IL22RA1: variants seen among roughly 807,000 people sequenced by gnomAD.
IL22RA1 encodes the protein interleukin 22 receptor subunit alpha 1, also known as interleukin-22 receptor subunit alpha-1.
In IL22RA1, 25 loss-of-function variants were observed where a neutral mutation model predicts 32.8. That is an observed-to-expected ratio of 0.76 (90% CI 0.55 to 1.06). The LOEUF is 1.06. Ranked by LOEUF, IL22RA1 falls within the 50% of genes least tolerant of loss-of-function variation. The pLI is 0.00. For synonymous variants in IL22RA1, 305 were observed against 305.0 expected (o/e 1.00, Z 0.00); for missense variants, 709 against 727.4 (o/e 0.97, Z 0.29).
chr1:24,123,264 C>T (rs762614436), intron 6 of IL22RA1, 38 bp downstream of exon 6: 1 of 1,602,678 alleles, frequency 6.2e-7, no homozygotes, highest in East Asian at 2.2e-5. Context: ...CAGGCCCTCC[C>T]CTGGACCTCT....
Position 24,142,829 on chromosome 1 carries a change from G to A in IL22RA1, c.43+211C>T, listed in dbSNP as rs989066881. Among the ~76,000 whole-genome samples, 3 of 152,206 alleles carry A rather than the reference G, an allele frequency of 2.0e-5. No homozygotes were observed. In the East Asian group the frequency reaches 5.8e-4, roughly 29 times the overall value. On this transcript the variant is annotated intron_variant, in intron 1 of 6. Coordinates refer to ENST00000270800, the MANE Select transcript of IL22RA1 (RefSeq NM_021258.4). ...GACCCGAGGGTCCTTTGGGTCCCTG[G>A]AAGAACCCAGGGTCTGAGGCACCCT...
At chr1:24,129,562 C>A (rs1284916852) in intron 4 of IL22RA1, among the ~76,000 whole-genome samples, 1 of 152,184 alleles carries the variant, frequency 6.6e-6, no homozygotes, top group African/African-American at 2.4e-5. Flanking sequence ...TGGACAAATC[C>A]CCTCTCATAT....
chr1:24,138,289 T>A (rs1051686443), intron 2 of IL22RA1, among the ~76,000 whole-genome samples: 1 of 152,352 alleles, frequency 6.6e-6, no homozygotes, highest in South Asian at 2.1e-4. Context: ...GTGCTATCAT[T>A]GTCCTCACTT....
At chr1:24,134,139 A>C in intron 4 of IL22RA1, 72 bp downstream of exon 4, 1 of 1,345,770 alleles carries the variant, frequency 7.4e-7, no homozygotes, top group Non-Finnish European at 1.0e-6. Flanking sequence ...TTTTTCTTAA[A>C]GCAACTCAGA....
intron 5 of IL22RA1, among the ~76,000 whole-genome samples, chr1:24,124,493 G>A (rs1644147826): frequency 6.6e-6 from 1 of 152,162 alleles, no homozygotes; most frequent in Admixed American, 6.5e-5. Flanking sequence ...GGCTTGTGAA[G>A]GACTTATGGA....
At chr1:24,139,208 G>A (rs561746136) in intron 1 of IL22RA1, among the ~76,000 whole-genome samples, 1 of 152,288 alleles carries the variant, frequency 6.6e-6, no homozygotes, top group South Asian at 2.1e-4. Context: ...TGTAAATAGA[G>A]CTTGGCTGGC....
chr1:24,142,997 C>A, intron 1 of IL22RA1, 43 bp downstream of exon 1: 1 of 1,593,546 alleles, frequency 6.3e-7, no homozygotes. Context: ...TCGTTGGCCC[C>A]TGGGATAAGG....
rs1427620535 is a variant in IL22RA1 at position 24,128,401 on chromosome 1, CTG to C, written c.532-124_532-123del. On this transcript the variant is annotated intron_variant, in intron 4 of 6. Transcript: ENST00000270800. ...ATGCTGATGGGTCTGTCTTCAGCCT[CTG>C]TTTCCATTCCCCTCCCTTCTGCTTT... The C allele has an allele frequency of 6.8e-6, 8 of 1,170,870 alleles. No individual in the cohort carries two copies. In the African/African-American group the frequency reaches 1.2e-4, roughly 18 times the overall value. 72.5% of individuals were successfully genotyped at this position (1,170,870 alleles called of 1,614,324 possible).
chr1:24,134,422 G>C, intron 3 of IL22RA1, 36 bp from the exon 4 acceptor site: 1 of 1,440,596 alleles, frequency 6.9e-7, no homozygotes. Context: ...AAAAGAAAAA[G>C]TCAGAATCGG....
intron 1 of IL22RA1, among the ~76,000 whole-genome samples, chr1:24,141,153 C>G (rs1427704823): frequency 6.6e-6 from 1 of 152,086 alleles, no homozygotes; most frequent in Non-Finnish European, 1.5e-5. Context: ...AGGGATGGCG[C>G]GGGGAGGGGT....
At chr1:24,140,224 A>T (rs1222665931) in intron 1 of IL22RA1, among the ~76,000 whole-genome samples, 1 of 152,252 alleles carries the variant, frequency 6.6e-6, no homozygotes, top group Non-Finnish European at 1.5e-5. Context: ...GCTGCCGCCC[A>T]GCATCACAGT....
At chr1:24,128,541 A>ATATATATG (rs1229133985) in intron 4 of IL22RA1, among the ~76,000 whole-genome samples, 1 of 150,698 alleles carries the variant, frequency 6.6e-6, no homozygotes, top group Non-Finnish European at 1.5e-5. Flanking sequence ...ATATATATAT[A>ATATATATG]TATATATAAA....
chr1:24,134,418 A>T (rs1644228422), intron 3 of IL22RA1, 32 bp from the exon 4 acceptor site: 1 of 1,449,824 alleles, frequency 6.9e-7, no homozygotes, highest in Non-Finnish European at 9.2e-7. Flanking sequence ...AGAGAAAAGA[A>T]AAAGTCAGAA....
chr1:24,127,152 T>C (rs1644171328), intron 5 of IL22RA1, among the ~76,000 whole-genome samples: 1 of 152,170 alleles, frequency 6.6e-6, no homozygotes, highest in East Asian at 1.9e-4. Flanking sequence ...GCCACTGCAC[T>C]CCAGCCTGAG....
At chr1:24,136,945 AG>A (rs1388083995) in intron 3 of IL22RA1, among the ~76,000 whole-genome samples, 185 bp downstream of exon 3, 2 of 151,618 alleles carry the variant, frequency 1.3e-5, no homozygotes, top group Admixed American at 6.6e-5. Flanking sequence ...CAAACCTGCT[AG>A]GAACACACTG....
In IL22RA1 at chr1:24,121,659, C is replaced by T. The variant is rs201130676; in HGVS notation, c.871G>A (p.Gly291Ser). 2.0e-5 allele frequency: 32 copies of T among 1,608,556 alleles called. No homozygotes were observed. Among genetic ancestry groups the T allele is most frequent in the East Asian group, 1.6e-4 (7 of 44,712 alleles). ...HVLIPVFDLS[G>S]PSSLAQPVQY... ...ACAGGCTGGGCCAGACTGCTGGGGC[C>T]GCTGAGGTCAAAGACAGGGATCAGG... is the stretch of plus-strand genomic sequence containing the variant. Residue 291 changes from glycine to serine, a missense_variant, in exon 7 of 7, where the codon GGC becomes AGC. Physicochemically the swap from Gly to Ser is moderately conservative, Grantham distance 56 (BLOSUM62 0). Transcript: ENST00000270800.
chr1:24,129,833 G>A (rs1293518088), intron 4 of IL22RA1, among the ~76,000 whole-genome samples: 2 of 152,108 alleles, frequency 1.3e-5, no homozygotes, highest in African/African-American at 4.8e-5. Context: ...GAACTCATGT[G>A]GTTGGAACTG....
intron 1 of IL22RA1, among the ~76,000 whole-genome samples, chr1:24,142,711 C>T (rs900232765): frequency 1.3e-5 from 2 of 152,172 alleles, no homozygotes; most frequent in East Asian, 1.9e-4. Context: ...TTTGAGGGAC[C>T]GAAGGATGTC....
intron 3 of IL22RA1, among the ~76,000 whole-genome samples, 176 bp downstream of exon 3, chr1:24,136,955 T>A (rs1644246496): frequency 6.7e-6 from 1 of 150,350 alleles, no homozygotes; most frequent in South Asian, 2.1e-4. Context: ...AGGAACACAC[T>A]GTAATTGGTG....
Sources: gnomAD v4.1 joint callset for allele counts (sites outside exome capture counted in the v4.1 genomes callset) on GRCh38, gnomAD v4.1.1 for gene constraint, MANE v1.5 for transcripts, NCBI Gene and HGNC (gene_info 2026-07-23, HGNC 2026-07-21) for gene names.